The following CHD2 variants were observed in gnomAD, a reference collection of about 807,000 sequenced individuals.
CHD2 encodes ATP-dependent chromatin remodeler CHD2.
Under a neutral mutation model 243.9 loss-of-function variants are expected in CHD2, and 28 were observed. The ratio of observed to expected loss-of-function variants is 0.11; its 90% CI spans 0.09 to 0.16. CHD2 has a LOEUF of 0.16. CHD2 is among the 10% of genes least tolerant of loss of function. The probability of loss-of-function intolerance (pLI) is 1.00; values close to 1 mark genes in which losing one functional copy is unlikely to be tolerated. For missense variants in CHD2, 1,386 were observed against 2,209.8 expected, an observed-to-expected ratio of 0.63 and a Z score of 7.47; for synonymous variants, 775 against 779.0, an observed-to-expected ratio of 0.99 and a Z score of 0.09.
chr15:92,990,789 G>A (rs1442090714), intron 26 of CHD2, among the ~76,000 whole-genome samples: 2 of 152,144 alleles, frequency 1.3e-5, no homozygotes, highest in African/African-American at 2.4e-5. Context: ...AATGTGTCAT[G>A]AAGTCCTGGT....
chr15:92,985,477 C>T, intron 25 of CHD2, 21 bp from the exon 26 acceptor site: 1 of 1,597,278 alleles, frequency 6.3e-7, no homozygotes. Flanking sequence ...TACAGTGTGA[C>T]TTTGCCTCGA....
At chr15:92,933,038 G>C (rs564809861) in intron 5 of CHD2, among the ~76,000 whole-genome samples, 1 of 8,226 alleles carries the variant, frequency 1.2e-4, no homozygotes, top group Non-Finnish European at 1.9e-3. Context: ...CACCGCGCCC[G>C]GCCCCTTTTT....
intron 13 of CHD2, among the ~76,000 whole-genome samples, chr15:92,952,012 T>C (rs2053560484): frequency 6.6e-6 from 1 of 152,166 alleles, no homozygotes; most frequent in Non-Finnish European, 1.5e-5. Context: ...GCACATATTA[T>C]ATATACGTGC....
At chr15:92,971,676 A>G in intron 17 of CHD2, 89 bp from the exon 18 acceptor site, 1 of 1,161,334 alleles carries the variant, frequency 8.6e-7, no homozygotes, top group Non-Finnish European at 1.2e-6. Flanking sequence ...TTTTCTCCAC[A>G]ATACTACTAC....
chr15:93,000,566 C>A lies in CHD2; in HGVS notation c.4063C>A (p.Leu1355Met), dbSNP rs748470273. The A allele has an allele frequency of 1.9e-6, 3 of 1,613,620 alleles. No homozygotes were observed. In the African/African-American group the frequency reaches 4.0e-5, roughly 22 times the overall value. ...RVKKENKVPR[L>M]KEEHGIELSS... ...AAAGAAGGAAAACAAAGTGCCCAGG[C>A]TGAAAGAGGAGCATGGAATTGAGCT... Residue 1355 changes from leucine (L) to methionine (M), a missense_variant, in exon 32 of 39, where the codon CTG becomes ATG. Physicochemically the swap from Leu to Met is conservative, Grantham distance 15. Around this residue, in one of 19 missense-constraint regions of CHD2, gnomAD observed 125 missense variants for 128.9 expected, o/e 0.97. Transcript: ENST00000394196.
intron 2 of CHD2, chr15:92,902,450 C>A (rs954020970): frequency 6.1e-6 from 2 of 329,328 alleles, no homozygotes; most frequent in African/African-American, 4.2e-5. Flanking sequence ...TTTTACTTTT[C>A]TAATTTTTAT....
intron 16 of CHD2, among the ~76,000 whole-genome samples, chr15:92,962,491 C>T (rs552186277): frequency 3.3e-5 from 5 of 151,946 alleles, no homozygotes; most frequent in Admixed American, 6.6e-5. Context: ...TTCCAAATGT[C>T]TTATAATTCG....
intron 5 of CHD2, among the ~76,000 whole-genome samples, chr15:92,930,364 C>T (rs10162705): frequency 0.045 from 6,887 of 152,122 alleles, 502 homozygotes; most frequent in African/African-American, 0.15. Context: ...CAGAAGCCAG[C>T]GTTTTTTTCA....
intron 16 of CHD2, 69 bp downstream of exon 16, chr15:92,956,718 T>C (rs927237394): frequency 2.8e-6 from 4 of 1,422,376 alleles, no homozygotes; most frequent in Non-Finnish European, 2.9e-6. Flanking sequence ...TTAACTTTCT[T>C]AGTAGACCTT....
chr15:92,912,956 G>A (rs761307896), intron 2 of CHD2, among the ~76,000 whole-genome samples: 2 of 152,106 alleles, frequency 1.3e-5, no homozygotes, highest in Non-Finnish European at 2.9e-5. Flanking sequence ...AAGCAGTAAT[G>A]GATCAAACTC....
chr15:92,945,163 T>G (rs985516011), intron 10 of CHD2: 2 of 152,466 alleles, frequency 1.3e-5, no homozygotes, highest in African/African-American at 4.8e-5. Context: ...GGAAATGCTG[T>G]CAGTCAAGGA....
intron 34 of CHD2, among the ~76,000 whole-genome samples, chr15:93,007,377 C>T (rs891427020): frequency 2.6e-5 from 4 of 152,184 alleles, no homozygotes. Flanking sequence ...ATTTATCTTT[C>T]TTACCTTTTC....
Position 92,998,728 on chromosome 15 carries a change from T to C in CHD2, c.4008+107T>C. The C allele has an allele frequency of 7.5e-7, 1 of 1,340,508 alleles. No individual in the cohort carries two copies. Among genetic ancestry groups the C allele is most frequent in the African/African-American group, 1.5e-5 (1 of 68,118 alleles). The allele number at this position is 1,340,508 out of a possible 1,614,324, so 83.0% of individuals were successfully genotyped here. A position where few individuals can be genotyped will look rare whatever the true frequency, so the allele number is the denominator to read the frequency against. On this transcript the variant is annotated intron_variant, in intron 31 of 38. Transcript: ENST00000394196. The surrounding 1 kb of genome is among the most constrained non-coding windows in gnomAD (Gnocchi z 5.1). Reference sequence around the variant, plus strand: ...TCTGAGCACTGCACAGAATGTCACCTTCTCATGGGCATATTTTGTTTTTGA... The same window carrying C: ...TCTGAGCACTGCACAGAATGTCACCCTCTCATGGGCATATTTTGTTTTTGA...
Position 92,997,085 on chromosome 15 carries a change from G to GAA in CHD2, c.3733_3734dup (p.Tyr1246AsnfsTer4). The GAA allele has an allele frequency of 4.1e-6, 6 of 1,463,796 alleles. No individual in the cohort carries two copies. In the Admixed American group the frequency reaches 6.1e-5, roughly 15 times the overall value. 90.7% of individuals were successfully genotyped at this position (1,463,796 alleles called of 1,614,324 possible). On this transcript the variant is annotated frameshift_variant, in exon 29 of 39. Transcript: ENST00000394196. LOFTEE classifies it high-confidence loss of function. This position sits in a 1 kb window ranked among gnomAD's most constrained non-coding sequence, Gnocchi z 4.1. ...TAAATCTATCCCTGTGGACCCTGAAGAAAAAAAAAAGTGAGTATATTTTGT... is the reference window on the plus strand; with the variant it reads ...TAAATCTATCCCTGTGGACCCTGAAGAAAAAAAAAAAAGTGAGTATATTTTGT...
At chr15:92,927,553 G>GTAT (rs908126315) in intron 4 of CHD2, among the ~76,000 whole-genome samples, 7 of 152,214 alleles carry the variant, frequency 4.6e-5, no homozygotes, top group African/African-American at 1.7e-4. Context: ...TTTTAGTAGA[G>GTAT]TATTATACAG....
chr15:92,994,349 G>A (rs2054160341), intron 28 of CHD2, among the ~76,000 whole-genome samples: 4 of 151,992 alleles, frequency 2.6e-5, no homozygotes, highest in Non-Finnish European at 5.9e-5. Context: ...TAAGAAGTGA[G>A]TATTTGTGCT....
chr15:92,958,181 C>T (rs752658165), intron 16 of CHD2, among the ~76,000 whole-genome samples: 6 of 152,168 alleles, frequency 3.9e-5, no homozygotes, highest in Non-Finnish European at 8.8e-5. Flanking sequence ...GAAACTACCA[C>T]GCTGTTTTCT....
intron 27 of CHD2, among the ~76,000 whole-genome samples, chr15:92,992,623 G>C (rs566347791): frequency 6.6e-6 from 1 of 152,056 alleles, no homozygotes; most frequent in African/African-American, 2.4e-5. Flanking sequence ...TCTGTTTTTT[G>C]GAATTATTTT....
At chr15:92,939,047 C>CTTT (rs34010474) in intron 6 of CHD2, among the ~76,000 whole-genome samples, 4 of 149,146 alleles carry the variant, frequency 2.7e-5, no homozygotes, top group Admixed American at 2.0e-4. Context: ...ACAAAAAACT[C>CTTT]TTTTTTTTTT....
Sources: gnomAD v4.1 joint callset for allele counts (sites outside exome capture counted in the v4.1 genomes callset) on GRCh38, gnomAD v4.1.1 for gene constraint, gnomAD v4.1.1 regional missense constraint, Gnocchi (gnomAD v3.1) non-coding constraint, MANE v1.5 for transcripts, NCBI Gene and HGNC (gene_info 2026-07-23, HGNC 2026-07-21) for gene names.